The following BMP5 variants were observed in gnomAD, a reference collection of about 807,000 sequenced individuals.
BMP5 encodes the protein bone morphogenetic protein 5.
A neutral mutation model predicts 46.6 loss-of-function variants in BMP5; 23 were observed. The ratio of observed to expected loss-of-function variants is 0.49; its 90% CI spans 0.35 to 0.70. The LOEUF is 0.70. BMP5 is among the 30% of genes least tolerant of loss of function. The probability of loss-of-function intolerance (pLI) is 0.00; values close to 1 mark genes in which losing one functional copy is unlikely to be tolerated. For missense variants in BMP5, 545 were observed against 565.6 expected (o/e 0.96, Z 0.37); for synonymous variants, 204 against 191.9 (o/e 1.06, Z -0.52).
chr6:55,855,475 CTA>C (rs1395473594), intron 1 of BMP5, among the ~76,000 whole-genome samples: 1 of 151,982 alleles, frequency 6.6e-6, no homozygotes, highest in Admixed American at 6.6e-5. Context: ...AATATTTATA[CTA>C]TGTTATTTCT....
intron 1 of BMP5, among the ~76,000 whole-genome samples, chr6:55,869,415 C>A (rs955823115): frequency 7.9e-5 from 12 of 151,936 alleles, no homozygotes; most frequent in Admixed American, 7.9e-4. Flanking sequence ...CTGTCTCATC[C>A]TTATTCCTGT....
intron 4 of BMP5, among the ~76,000 whole-genome samples, chr6:55,764,589 A>AAAAAAAAAAAG (rs1562026349): frequency 2.0e-5 from 3 of 147,558 alleles, no homozygotes; most frequent in Non-Finnish European, 4.5e-5. Context: ...AAAAAAAAAG[A>AAAAAAAAAAAG]AAAAAAGAAA....
chr6:55,857,807 C>A (rs909135612), intron 1 of BMP5, among the ~76,000 whole-genome samples: 7 of 148,456 alleles, frequency 4.7e-5, no homozygotes, highest in Admixed American at 2.7e-4. Context: ...GGTGAGATCT[C>A]GGCTCACTGC....
chr6:55,829,918 T>A (rs913100029), intron 1 of BMP5, among the ~76,000 whole-genome samples: 2 of 151,956 alleles, frequency 1.3e-5, no homozygotes, highest in Admixed American at 6.6e-5. Context: ...GGTAACATAT[T>A]TATAATTTTT....
intron 1 of BMP5, among the ~76,000 whole-genome samples, chr6:55,844,284 T>A (rs1386569426): frequency 1.3e-5 from 2 of 152,060 alleles, no homozygotes; most frequent in African/African-American, 4.8e-5. Context: ...TCATCATGCC[T>A]CATTAATCTA....
intron 1 of BMP5, among the ~76,000 whole-genome samples, chr6:55,826,372 A>G (rs1211865068): frequency 1.3e-5 from 2 of 151,870 alleles, no homozygotes; most frequent in Non-Finnish European, 2.9e-5. Context: ...ATTATTAGAT[A>G]GTTAAATAAT....
intron 4 of BMP5, among the ~76,000 whole-genome samples, chr6:55,760,893 TGA>T (rs34247389): frequency 0.19 from 29,296 of 151,760 alleles, 3,000 homozygotes; most frequent in African/African-American, 0.25. Context: ...CTTAATATAT[TGA>T]GAGAGATTAT....
At chr6:55,855,219 A>C (rs919711748) in intron 1 of BMP5, among the ~76,000 whole-genome samples, 2 of 151,588 alleles carry the variant, frequency 1.3e-5, no homozygotes, top group African/African-American at 4.8e-5. Flanking sequence ...ATTTTTATTT[A>C]TTTGTTTTTA....
At chr6:55,765,745 A>G (rs1181277545) in intron 4 of BMP5, among the ~76,000 whole-genome samples, 2 of 152,160 alleles carry the variant, frequency 1.3e-5, no homozygotes, top group South Asian at 2.1e-4. Flanking sequence ...TATTTTGTAG[A>G]TATATTAACA....
At chr6:55,783,364 C>G (rs766892202) in intron 3 of BMP5, among the ~76,000 whole-genome samples, 3 of 151,886 alleles carry the variant, frequency 2.0e-5, no homozygotes, top group Non-Finnish European at 4.4e-5. Context: ...GGTTAGATGC[C>G]TTTGTTTTTT....
chr6:55,852,150 C>A (rs568857562), intron 1 of BMP5, among the ~76,000 whole-genome samples: 1 of 152,028 alleles, frequency 6.6e-6, no homozygotes, highest in East Asian at 1.9e-4. Flanking sequence ...ACAATTTGTT[C>A]TATTATAGCA....
At chr6:55,807,936 G>A (rs1314625698) in intron 2 of BMP5, among the ~76,000 whole-genome samples, 1 of 152,180 alleles carries the variant, frequency 6.6e-6, no homozygotes, top group Non-Finnish European at 1.5e-5. Context: ...ATCCCTGTTG[G>A]AGGGTCTCAC....
At chr6:55,847,225 G>A (rs1777118901) in intron 1 of BMP5, among the ~76,000 whole-genome samples, 2 of 151,850 alleles carry the variant, frequency 1.3e-5, no homozygotes, top group African/African-American at 4.8e-5. Context: ...AGCCCCTGTG[G>A]TCATCTTTGC....
chr6:55,833,557 C>T (rs1412487002), intron 1 of BMP5, among the ~76,000 whole-genome samples: 1 of 152,094 alleles, frequency 6.6e-6, no homozygotes, highest in African/African-American at 2.4e-5. Flanking sequence ...AATCATTACA[C>T]AGAACAGAGC....
rs1321163210 is a variant in BMP5 at position 55,875,057 on chromosome 6, T to G, written c.-192A>C. 3.3e-6 allele frequency: 2 copies of G among 613,026 alleles called. No individual in the cohort carries two copies. The highest frequency in any genetic ancestry group is 4.6e-4 in the Middle Eastern group (1 of 2,188). 38.0% of individuals were successfully genotyped at this position (613,026 alleles called of 1,614,324 possible). A position where few individuals can be genotyped will look rare whatever the true frequency, so the allele number is the denominator to read the frequency against. On this transcript the variant is annotated 5_prime_UTR_variant, in exon 1 of 7. Transcript: ENST00000370830. ...GTCCTATTTTAAATATTTTGGAATATGTCAAGAGTAGTTATTTCTAAGAAA... is the reference window on the plus strand; with the variant it reads ...GTCCTATTTTAAATATTTTGGAATAGGTCAAGAGTAGTTATTTCTAAGAAA...
intron 1 of BMP5, among the ~76,000 whole-genome samples, chr6:55,872,410 G>A (rs1231898497): frequency 6.6e-6 from 1 of 151,506 alleles, no homozygotes; most frequent in Non-Finnish European, 1.5e-5. Flanking sequence ...TGTTTCTCTA[G>A]AGTCAAATGA....
chr6:55,801,627 T>C lies in BMP5; in HGVS notation c.684-7200A>G, dbSNP rs1775850734. 3.9e-5 allele frequency among the ~76,000 whole-genome samples: 6 copies of C among 152,222 alleles called. No homozygotes were observed. The South Asian group carries it at 1.2e-3, about 31-fold the overall frequency. ...CTAGGAATGCATAAGGTCAAATCTC[T>C]ACCATAAATCCTTGCAGAAGCATTT... On this transcript the variant is annotated intron_variant, in intron 2 of 6. Coordinates refer to ENST00000370830, the MANE Select transcript of BMP5 (RefSeq NM_021073.4).
intron 3 of BMP5, among the ~76,000 whole-genome samples, chr6:55,778,856 C>T (rs1285044637): frequency 2.0e-5 from 3 of 151,914 alleles, no homozygotes; most frequent in African/African-American, 7.3e-5. Flanking sequence ...AGATTCAATC[C>T]TTCTAGATCT....
At chr6:55,808,592 CT>C (rs1776048164) in intron 2 of BMP5, among the ~76,000 whole-genome samples, 1 of 152,198 alleles carries the variant, frequency 6.6e-6, no homozygotes, top group African/African-American at 2.4e-5. Context: ...ACCCTAGGCA[CT>C]GGTGGCGTGG....
Sources: allele counts gnomAD v4.1 joint callset (sites outside exome capture counted in the v4.1 genomes callset), GRCh38; gene constraint gnomAD v4.1.1; transcripts MANE v1.5; gene names NCBI Gene and HGNC (gene_info 2026-07-23, HGNC 2026-07-21).